Variants in TANC2 observed in about 807,000 individuals in gnomAD.
The protein encoded by TANC2 is protein TANC2.
A neutral mutation model predicts 210.5 loss-of-function variants in TANC2; 26 were observed. The observed-to-expected ratio is 0.12, with a 90% CI of 0.09 to 0.17. The LOEUF is 0.17. Ranked by LOEUF, TANC2 falls within the 10% of genes least tolerant of loss-of-function variation. The pLI is 1.00. For missense variants in TANC2, 2,129 were observed against 2,608.9 expected, an observed-to-expected ratio of 0.82 and a Z score of 4.01; for synonymous variants, 931 against 967.1, an observed-to-expected ratio of 0.96 and a Z score of 0.69.
rs1175349288 is a variant in TANC2, at chr17:63,098,484, ACTCTCTCT to A, written c.140-672_140-665del. 1.5e-4 allele frequency among the ~76,000 whole-genome samples: 11 copies of A among 72,338 alleles called. 1 individual carries two copies. The highest frequency in any genetic ancestry group is 1.4e-3 in the East Asian group (5 of 3,698). The allele number at this position is 72,338 out of a possible 152,430, so 47.5% of individuals were successfully genotyped here. A position where few individuals can be genotyped will look rare whatever the true frequency, so the allele number is the denominator to read the frequency against. On this transcript the variant is annotated intron_variant, in intron 3 of 27. Coordinates refer to ENST00000689528, the Ensembl canonical transcript of TANC2. ...CACACACACACACACACACACATAC[ACTCTCTCT>A]CTCTCTCTCTCTCTCTCTGTGTGTA...
rs180746511 is a variant in TANC2 at position 63,259,083 on chromosome 17, G to A, written c.1034-8665G>A. On this transcript the variant is annotated intron_variant, in intron 8 of 27. Transcript: ENST00000689528. ...TGGGTCCTTCCTTTCAAGGTAGCAG[G>A]TTCCCTTCTGGCACGGGGTATGTCT... Among the ~76,000 whole-genome samples, 180 of 152,234 alleles carry A rather than the reference G, an allele frequency of 1.2e-3. 1 individual carries two copies. The highest frequency in any genetic ancestry group is 3.7e-3 in the African/African-American group (155 of 41,534).
Position 62,989,881 on chromosome 17 carries a change from C to T in TANC2, c.-23-19656C>T, listed in dbSNP as rs572467888. ...CGTCTCCTGGGTTCAAGTGATTCTTCTGCCTCAGCCTCCTGAGTAGCTGGG... is the reference window on the plus strand; with the variant it reads ...CGTCTCCTGGGTTCAAGTGATTCTTTTGCCTCAGCCTCCTGAGTAGCTGGG... On this transcript the variant is annotated intron_variant, in intron 1 of 27. Coordinates refer to ENST00000689528, the Ensembl canonical transcript of TANC2. Among the ~76,000 whole-genome samples the T allele has an allele frequency of 1.5e-4, 22 of 144,654 alleles. No homozygotes were observed. The East Asian group carries it at 4.6e-3, about 30-fold the overall frequency. 94.9% of individuals were successfully genotyped at this position (144,654 alleles called of 152,430 possible). A position where few individuals can be genotyped will look rare whatever the true frequency, so the allele number is the denominator to read the frequency against.
At chr17:63,374,185 C>T (rs1011155591) in intron 14 of TANC2, among the ~76,000 whole-genome samples, 4 of 151,764 alleles carry the variant, frequency 2.6e-5, no homozygotes, top group Admixed American at 6.6e-5. Flanking sequence ...TACAGGCACA[C>T]GCCAGCACAA....
chr17:63,321,517 A>G (rs2045492659), intron 11 of TANC2, among the ~76,000 whole-genome samples: 1 of 152,198 alleles, frequency 6.6e-6, no homozygotes, highest in Non-Finnish European at 1.5e-5. Flanking sequence ...GAACATTAAG[A>G]TGATCCGCCC....
At chr17:63,334,014 G>T (rs577792898) in intron 11 of TANC2, 1 of 152,270 alleles carries the variant, frequency 6.6e-6, no homozygotes, top group South Asian at 2.1e-4. Context: ...CAAAAAAATT[G>T]AGTGACTCAC....
chr17:63,161,137 A>C (rs2040011409), intron 5 of TANC2, among the ~76,000 whole-genome samples: 1 of 152,180 alleles, frequency 6.6e-6, no homozygotes, highest in African/African-American at 2.4e-5. Context: ...AGTTTTCTTC[A>C]TAACCATTGT....
intron 12 of TANC2, among the ~76,000 whole-genome samples, chr17:63,346,182 C>T (rs895303690): frequency 6.6e-6 from 1 of 152,132 alleles, no homozygotes; most frequent in African/African-American, 2.4e-5. Context: ...ATAGAAAAAA[C>T]ATAGAATATC....
At position 63,411,742 on chromosome 17, in the gene TANC2, A is replaced by G. The variant is rs555260161; in HGVS notation, c.3765+56A>G. Reference sequence around the variant, plus strand: ...CAGAGAGAGGGGCTATTCTCCATCCATACTACCTGGGGTTGAAAGTGGAGT... The same window carrying G: ...CAGAGAGAGGGGCTATTCTCCATCCGTACTACCTGGGGTTGAAAGTGGAGT... On this transcript the variant is annotated intron_variant, in intron 22 of 27. Coordinates refer to ENST00000689528, the Ensembl canonical transcript of TANC2. The G allele has an allele frequency of 1.9e-6, 3 of 1,554,788 alleles. No individual in the cohort carries two copies. The East Asian group carries it at 6.7e-5, about 35-fold the overall frequency.
intron 2 of TANC2, among the ~76,000 whole-genome samples, chr17:63,058,203 A>G (rs2035872655): frequency 6.6e-6 from 1 of 152,016 alleles, no homozygotes. Flanking sequence ...TTTTTTTTCC[A>G]AAAGCTTGTT....
chr17:63,230,856 A>G (rs2146000223), intron 7 of TANC2, among the ~76,000 whole-genome samples: 1 of 152,232 alleles, frequency 6.6e-6, no homozygotes, highest in African/African-American at 2.4e-5. Flanking sequence ...TCTAATATTG[A>G]CATTGGGTGT....
rs185384076 is a variant in TANC2, at chr17:63,405,543, T to A, written c.3465+288T>A. ...AGCATCCAAAGACTCCTTGGAAGGTTCATTTCTCAGCGGACTTCTGCTAAT... is the reference window on the plus strand; with the variant it reads ...AGCATCCAAAGACTCCTTGGAAGGTACATTTCTCAGCGGACTTCTGCTAAT... On this transcript the variant is annotated intron_variant, in intron 20 of 27. Coordinates refer to ENST00000689528, the Ensembl canonical transcript of TANC2. 5.6e-4 allele frequency among the ~76,000 whole-genome samples: 86 copies of A among 152,386 alleles called. 3 individuals carry two copies. In the East Asian group the frequency reaches 0.015, roughly 27 times the overall value.
chr17:63,421,322 T>C lies in TANC2; in HGVS notation c.5592T>C (p.Leu1864=). Reference sequence around the variant, plus strand: ...TGCTGCATTCCCAAAGTGTAGGCCTTCGCTTCTCTCCATCTAGCAATAGTA... The same window carrying C: ...TGCTGCATTCCCAAAGTGTAGGCCTCCGCTTCTCTCCATCTAGCAATAGTA... Residue 1864 remains leucine, a synonymous_variant, in exon 28 of 28, where the codon CTT becomes CTC. Coordinates refer to ENST00000689528, the Ensembl canonical transcript of TANC2. This position sits in a 1 kb window ranked among gnomAD's most constrained non-coding sequence, Gnocchi z 6.9. 1 of 1,614,016 alleles carries C rather than the reference T, an allele frequency of 6.2e-7. No homozygotes were observed. The highest frequency in any genetic ancestry group is 8.5e-7 in the Non-Finnish European group (1 of 1,179,888).
At chr17:63,047,460 G>A (rs2035427038) in intron 2 of TANC2, among the ~76,000 whole-genome samples, 1 of 152,160 alleles carries the variant, frequency 6.6e-6, no homozygotes, top group African/African-American at 2.4e-5. Context: ...GGATTCAAGA[G>A]ACATTTAGGA....
chr17:63,171,966 A>G (rs2040419047), intron 5 of TANC2, among the ~76,000 whole-genome samples: 2 of 152,318 alleles, frequency 1.3e-5, no homozygotes, highest in Non-Finnish European at 2.9e-5. Flanking sequence ...GGCATAAAAT[A>G]TGGATGCTGT....
intron 5 of TANC2, among the ~76,000 whole-genome samples, chr17:63,158,524 A>G (rs868516103): frequency 2.6e-5 from 4 of 152,358 alleles, no homozygotes; most frequent in Middle Eastern, 3.4e-3. Context: ...GGAATTCTGT[A>G]TCTGATGTTT....
At chr17:63,245,129 G>A (rs912890120) in intron 8 of TANC2, among the ~76,000 whole-genome samples, 1 of 152,148 alleles carries the variant, frequency 6.6e-6, no homozygotes, top group Non-Finnish European at 1.5e-5. Flanking sequence ...TAACTTTGCT[G>A]TTTATCCTTG....
rs1360256484 is a variant in TANC2, at chr17:63,010,336, A to G, written c.67+710A>G. ...ATAAGTATTTGGAAGTGTATTTACC[A>G]GTTTCCAAACTGTTGCTGATTTTTT... On this transcript the variant is annotated intron_variant, in intron 2 of 27. Coordinates refer to ENST00000689528, the Ensembl canonical transcript of TANC2. Among the ~76,000 whole-genome samples, 3 of 152,166 alleles carry G rather than the reference A, an allele frequency of 2.0e-5. No homozygotes were observed. The East Asian group carries it at 5.8e-4, about 29-fold the overall frequency.
At chr17:63,078,534 T>C (rs796609913) in intron 3 of TANC2, among the ~76,000 whole-genome samples, 1 of 152,166 alleles carries the variant, frequency 6.6e-6, no homozygotes, top group South Asian at 2.1e-4. Context: ...TCTTCTAATA[T>C]AGGAATTTAG....
chr17:62,980,789 C>T (rs2032259455), intron 1 of TANC2, among the ~76,000 whole-genome samples: 1 of 152,220 alleles, frequency 6.6e-6, no homozygotes, highest in African/African-American at 2.4e-5. Flanking sequence ...TGGCTTACTT[C>T]TAGTACCCAA....
Sources: gnomAD v4.1 joint callset for allele counts (sites outside exome capture counted in the v4.1 genomes callset) on GRCh38, gnomAD v4.1.1 for gene constraint, Gnocchi (gnomAD v3.1) non-coding constraint, MANE v1.5 for transcripts, NCBI Gene and HGNC (gene_info 2026-07-23, HGNC 2026-07-21) for gene names.